Variants in MED23 observed in about 807,000 individuals in gnomAD.
The protein encoded by MED23 is mediator complex subunit 23.
MED23 carries 105 observed loss-of-function variants against 163.9 expected under a neutral mutation model. The ratio of observed to expected loss-of-function variants is 0.64; its 90% CI spans 0.55 to 0.75. MED23 has a LOEUF of 0.75. Among genes scored for constraint, MED23 ranks in the 30% least tolerant of loss-of-function variants. The pLI, the probability that MED23 is intolerant of heterozygous loss-of-function variation, is 0.00. For synonymous variants in MED23, 561 were observed against 565.6 expected, an observed-to-expected ratio of 0.99 and a Z score of 0.12; for missense variants, 1,054 against 1,649.0, an observed-to-expected ratio of 0.64 and a Z score of 6.25.
In MED23 at chr6:131,598,204, C is replaced by T. The variant is rs1206189507; in HGVS notation, c.2607+83G>A. 4 of 1,312,346 alleles carry T rather than the reference C, an allele frequency of 3.0e-6. No individual in the cohort carries two copies. The East Asian group carries it at 9.4e-5, about 31-fold the overall frequency. The allele number at this position is 1,312,346 out of a possible 1,614,324, so 81.3% of individuals were successfully genotyped here. A position where few individuals can be genotyped will look rare whatever the true frequency, so the allele number is the denominator to read the frequency against. On this transcript the variant is annotated intron_variant, in intron 20 of 28. Coordinates refer to ENST00000368068, the MANE Select transcript of MED23 (RefSeq NM_004830.4). This position sits in a 1 kb window ranked among gnomAD's most constrained non-coding sequence, Gnocchi z 4.7. The stretch of plus-strand genomic sequence containing the variant: ...TATAAATTCATTAAATCCTTCAAAG[C>T]AATATAGAGCAGATTGGCATAACAT...
chr6:131,590,518 C>T lies in MED23; in HGVS notation c.3687-76G>A, dbSNP rs1396866102. 3 of 930,520 alleles carry T rather than the reference C, an allele frequency of 3.2e-6. No individual in the cohort carries two copies. In the East Asian group the frequency reaches 8.2e-5, roughly 25 times the overall value. 57.6% of individuals were successfully genotyped at this position (930,520 alleles called of 1,614,324 possible). On this transcript the variant is annotated intron_variant, in intron 26 of 28. Transcript: ENST00000368068. ...TTGAATTTTGTTCATACAGTATATACAAAGTATTACAATAAAATATAATTT... is the reference window on the plus strand; with the variant it reads ...TTGAATTTTGTTCATACAGTATATATAAAGTATTACAATAAAATATAATTT...
chr6:131,604,451 G>A (rs895402461), intron 14 of MED23, 131 bp from the exon 15 acceptor site: 1 of 1,043,870 alleles, frequency 9.6e-7, no homozygotes. Context: ...CATTTAATGT[G>A]TTTAAGCTGT....
chr6:131,590,063 TA>T (rs542336011), intron 27 of MED23, among the ~76,000 whole-genome samples: 16 of 152,224 alleles, frequency 1.1e-4, no homozygotes, highest in Non-Finnish European at 1.9e-4. Context: ...CTCTGCACTG[TA>T]AGATCTCAAA....
In MED23 at chr6:131,587,602, C is replaced by G. The variant is rs189012428; in HGVS notation, c.*77G>C. 5.6e-6 allele frequency: 9 copies of G among 1,604,886 alleles called. No homozygotes were observed. Among genetic ancestry groups the G allele is most frequent in the Non-Finnish European group, 7.7e-6 (9 of 1,175,320 alleles). ...TTCTACTATATCACTACAGTGTGAT[C>G]GCATTCAGATTTAAAAGGTTTGAGT... On this transcript the variant is annotated 3_prime_UTR_variant, in exon 29 of 29. Coordinates refer to ENST00000368068, the MANE Select transcript of MED23 (RefSeq NM_004830.4).
At chr6:131,592,764 C>G in intron 24 of MED23, 1 of 604,006 alleles carries the variant, frequency 1.7e-6, no homozygotes. Flanking sequence ...AACATTATTC[C>G]TATATTAAAT....
At chr6:131,607,802 C>G (rs1775970377) in intron 12 of MED23, 126 bp downstream of exon 12, 2 of 1,073,840 alleles carry the variant, frequency 1.9e-6, no homozygotes, top group South Asian at 2.8e-5. Context: ...GCTTGCTACA[C>G]TTAACATTCA....
downstream of MED23, chr6:131,583,105 A>G (rs1013928443): frequency 1.2e-6 from 2 of 1,614,022 alleles, no homozygotes; most frequent in South Asian, 2.2e-5. Flanking sequence ...CAATGACTGA[A>G]GTGGACAGAC....
At chr6:131,582,820 C>A, downstream of MED23, 1 of 924,370 alleles carries the variant, frequency 1.1e-6, no homozygotes, top group Non-Finnish European at 1.8e-6. Context: ...TCAAGACACA[C>A]ACACACACAC....
intron 30 of MED23, among the ~76,000 whole-genome samples, chr6:131,577,005 TG>T (rs1773645872): frequency 6.6e-6 from 1 of 150,500 alleles, no homozygotes; most frequent in Admixed American, 6.6e-5. Context: ...GGGGTTGGGG[TG>T]GATGGTAGGG....
intron 14 of MED23, 45 bp downstream of exon 14, chr6:131,605,195 G>C (rs552319541): frequency 1.9e-6 from 3 of 1,592,488 alleles, no homozygotes; most frequent in Admixed American, 1.7e-5. Context: ...TACTATACTC[G>C]TATCAATTCC....
intron 12 of MED23, among the ~76,000 whole-genome samples, chr6:131,607,544 A>G (rs1298399519): frequency 6.6e-6 from 1 of 151,434 alleles, no homozygotes; most frequent in Non-Finnish European, 1.5e-5. Context: ...AAACTCCTTA[A>G]CAACAACAAC....
At chr6:131,608,298 C>T (rs1336291783) in intron 11 of MED23, among the ~76,000 whole-genome samples, 2 of 151,726 alleles carry the variant, frequency 1.3e-5, no homozygotes, top group African/African-American at 4.9e-5. Flanking sequence ...ATTTCCTGCT[C>T]CCCAAAACAA....
chr6:131,576,726 AAAGAAC>A, intron 30 of MED23: 1 of 1,613,742 alleles, frequency 6.2e-7, no homozygotes, highest in Non-Finnish European at 8.5e-7. Context: ...TGAGAAACTT[AAAGAAC>A]AAGGTAATTT....
At chr6:131,591,079 CA>C (rs1189412735) in intron 26 of MED23, among the ~76,000 whole-genome samples, 1 of 151,182 alleles carries the variant, frequency 6.6e-6, no homozygotes, top group African/African-American at 2.4e-5. Context: ...CTCCCTGGTT[CA>C]AGTGATTCTC....
chr6:131,618,656 G>A lies in MED23; in HGVS notation c.668-137C>T, dbSNP rs563474727. 1.8e-4 allele frequency: 119 copies of A among 646,640 alleles called. No individual in the cohort carries two copies. In the African/African-American group the frequency reaches 2.0e-3, roughly 11 times the overall value. 40.1% of individuals were successfully genotyped at this position (646,640 alleles called of 1,614,324 possible). A position where few individuals can be genotyped will look rare whatever the true frequency, so the allele number is the denominator to read the frequency against. On this transcript the variant is annotated intron_variant, in intron 8 of 28. Transcript: ENST00000368068. Reference sequence around the variant, plus strand: ...AAATGGCTTATAAAAATGTTTCAATGAGACTGAAGGTTGGGAATTTTATTT... The same window carrying A: ...AAATGGCTTATAAAAATGTTTCAATAAGACTGAAGGTTGGGAATTTTATTT...
Position 131,596,588 on chromosome 6 carries a change from A to G in MED23, c.2708T>C (p.Phe903Ser). Residue 903 changes from phenylalanine to serine, a missense_variant, in exon 21 of 29, where the codon TTT becomes TCT. Physicochemically the swap from Phe to Ser is radical, Grantham distance 155 (BLOSUM62 -2). This residue lies in a region of MED23 where 228 missense variants were observed against 461.3 expected (regional missense o/e 0.49). Transcript: ENST00000368068. ...PNDFRNRVSD[F>S]VKENSPEHWL... ...GTGCTCTGGGGAATTTTCCTTCACA[A>G]AGTCACTTACTCGATTTCTAAAATC... 6.2e-7 allele frequency: 1 copy of G among 1,614,200 alleles called. No homozygotes were observed. The highest frequency in any genetic ancestry group is 8.5e-7 in the Non-Finnish European group (1 of 1,180,028).
At position 131,587,741 on chromosome 6, in the gene MED23, T is replaced by C; in HGVS notation, c.4045A>G (p.Asn1349Asp). ...EPAAVPPQAM[N>D]SGSPAPQSNQ... Reference sequence around the variant, plus strand: ...GACTGAGGTGCTGGAGACCCACTGTTCATGGCTTGTGGAGGCACTGCAGCT... The same window carrying C: ...GACTGAGGTGCTGGAGACCCACTGTCCATGGCTTGTGGAGGCACTGCAGCT... Residue 1349 changes from asparagine to aspartate, a missense_variant, in exon 29 of 29, where the codon AAC becomes GAC. Around this residue, in one of 11 missense-constraint regions of MED23, gnomAD observed 362 missense variants for 471.6 expected, o/e 0.77. Transcript: ENST00000368068. 6.2e-7 allele frequency: 1 copy of C among 1,614,160 alleles called. No individual in the cohort carries two copies. Among genetic ancestry groups the C allele is most frequent in the Non-Finnish European group, 8.5e-7 (1 of 1,179,998 alleles).
downstream of MED23, among the ~76,000 whole-genome samples, chr6:131,586,212 G>A (rs1297014305): frequency 1.3e-5 from 2 of 152,144 alleles, no homozygotes; most frequent in East Asian, 1.9e-4. Flanking sequence ...GGCTAACACA[G>A]TGAAACCCCG....
At chr6:131,580,421 A>G (rs899077068) in intron 30 of MED23, among the ~76,000 whole-genome samples, 1 of 152,250 alleles carries the variant, frequency 6.6e-6, no homozygotes, top group Admixed American at 6.5e-5. Context: ...AAAGCTCATG[A>G]TTCTCTGAAT....
Sources: gnomAD v4.1 joint callset for allele counts (sites outside exome capture counted in the v4.1 genomes callset) on GRCh38, gnomAD v4.1.1 for gene constraint, gnomAD v4.1.1 regional missense constraint, Gnocchi (gnomAD v3.1) non-coding constraint, MANE v1.5 for transcripts, NCBI Gene and HGNC (gene_info 2026-07-23, HGNC 2026-07-21) for gene names.